The following RNF13 variants were observed in gnomAD, a reference collection of about 807,000 sequenced individuals.
RNF13 encodes E3 ubiquitin-protein ligase RNF13.
In RNF13, 19 loss-of-function variants were observed where a neutral mutation model predicts 37.7. The ratio of observed to expected loss-of-function variants is 0.50; its 90% CI spans 0.35 to 0.74. RNF13 has a LOEUF of 0.74. Ranked by LOEUF, RNF13 falls within the 30% of genes least tolerant of loss-of-function variation. The probability of loss-of-function intolerance (pLI) is 0.01; values close to 1 mark genes in which losing one functional copy is unlikely to be tolerated. For missense variants in RNF13, 375 were observed against 453.0 expected, an observed-to-expected ratio of 0.83 and a Z score of 1.56; for synonymous variants, 144 against 157.8, an observed-to-expected ratio of 0.91 and a Z score of 0.65.
At chr3:149,845,303 C>G (rs554004614) in intron 1 of RNF13, among the ~76,000 whole-genome samples, 5 of 152,212 alleles carry the variant, frequency 3.3e-5, no homozygotes, top group African/African-American at 9.6e-5. Context: ...GTATATAATA[C>G]AATTGATTGA....
intron 7 of RNF13, among the ~76,000 whole-genome samples, chr3:149,915,185 TTTGAAATTCCTTATATTC>T: frequency 6.6e-6 from 1 of 152,312 alleles, no homozygotes. Context: ...CTTTGTAAAT[TTTGAAATTCCTTATATTC>T]TGGGGATAAA....
chr3:149,846,567 A>G (rs1358826128), intron 2 of RNF13, among the ~76,000 whole-genome samples: 1 of 152,150 alleles, frequency 6.6e-6, no homozygotes, highest in Non-Finnish European at 1.5e-5. Context: ...TGGCCTCCCA[A>G]AGTGTTGGGA....
chr3:149,932,214 C>T (rs1719227054), intron 8 of RNF13, among the ~76,000 whole-genome samples: 1 of 152,110 alleles, frequency 6.6e-6, no homozygotes, highest in Admixed American at 6.5e-5. Context: ...AATGGGATTG[C>T]TGGATCATAT....
At chr3:149,955,670 C>G (rs1207642298) in intron 8 of RNF13, among the ~76,000 whole-genome samples, 2 of 152,140 alleles carry the variant, frequency 1.3e-5, no homozygotes, top group African/African-American at 4.8e-5. Flanking sequence ...ACTCATGACT[C>G]TAATGATGCA....
At chr3:149,960,499 G>A (rs1310586490) in intron 9 of RNF13, among the ~76,000 whole-genome samples, 1 of 152,058 alleles carries the variant, frequency 6.6e-6, no homozygotes, top group East Asian at 1.9e-4. Flanking sequence ...GGCTGAGGCA[G>A]GACAATGGCG....
chr3:149,958,798 CCA>C (rs1722108335), intron 8 of RNF13, among the ~76,000 whole-genome samples: 1 of 152,186 alleles, frequency 6.6e-6, no homozygotes, highest in Non-Finnish European at 1.5e-5. Context: ...TCACCAAATT[CCA>C]CACACAAGAT....
intron 8 of RNF13, among the ~76,000 whole-genome samples, chr3:149,940,689 T>C (rs1720159931): frequency 6.6e-6 from 1 of 152,186 alleles, no homozygotes; most frequent in Non-Finnish European, 1.5e-5. Context: ...GCATTTTTTA[T>C]TGTAGAAAAA....
chr3:149,935,337 A>G (rs572203691), intron 8 of RNF13, among the ~76,000 whole-genome samples: 5 of 151,964 alleles, frequency 3.3e-5, no homozygotes, highest in Non-Finnish European at 5.9e-5. Context: ...TAATCACTCT[A>G]TGTCTTTTAA....
At chr3:149,826,575 TTC>T (rs1474774755) in intron 1 of RNF13, among the ~76,000 whole-genome samples, 2 of 152,180 alleles carry the variant, frequency 1.3e-5, no homozygotes, top group Non-Finnish European at 1.5e-5. Context: ...TAGAACAGAT[TTC>T]TCTTAATATT....
intron 1 of RNF13, among the ~76,000 whole-genome samples, chr3:149,840,191 C>T (rs1722027246): frequency 6.6e-6 from 1 of 152,166 alleles, no homozygotes; most frequent in African/African-American, 2.4e-5. Flanking sequence ...AAGCTGATTT[C>T]AGTTAAAATG....
chr3:149,944,984 G>C (rs1318367024), intron 8 of RNF13, among the ~76,000 whole-genome samples: 3 of 152,160 alleles, frequency 2.0e-5, no homozygotes, highest in Non-Finnish European at 4.4e-5. Flanking sequence ...ATTAATTTTT[G>C]TATAAGGTAT....
At chr3:149,959,832 G>T in intron 8 of RNF13, 1 of 376,880 alleles carries the variant, frequency 2.7e-6, no homozygotes, top group East Asian at 4.4e-5. Flanking sequence ...ATTTTGCAAA[G>T]ATAATCAAGG....
intron 8 of RNF13, among the ~76,000 whole-genome samples, chr3:149,956,229 T>C (rs1468454294): frequency 6.6e-6 from 1 of 152,122 alleles, no homozygotes; most frequent in African/African-American, 2.4e-5. Flanking sequence ...AAAAACTACA[T>C]GGGGCAGGAC....
chr3:149,920,567 G>A (rs1036702342), intron 7 of RNF13, among the ~76,000 whole-genome samples: 8 of 151,852 alleles, frequency 5.3e-5, no homozygotes, highest in Non-Finnish European at 1.2e-4. Flanking sequence ...CTTTACAGAG[G>A]GTGTTTTTGG....
intron 8 of RNF13, among the ~76,000 whole-genome samples, chr3:149,947,355 GT>G (rs1449940420): frequency 6.6e-6 from 1 of 150,600 alleles, no homozygotes; most frequent in Non-Finnish European, 1.5e-5. Context: ...TGAAAGTGGG[GT>G]ATTGAAGTCG....
At chr3:149,827,221 T>C (rs1720593060) in intron 1 of RNF13, among the ~76,000 whole-genome samples, 1 of 152,182 alleles carries the variant, frequency 6.6e-6, no homozygotes, top group Non-Finnish European at 1.5e-5. Flanking sequence ...TTACATAGCA[T>C]TTACACTGTA....
At chr3:149,889,327 C>T (rs560119487) in intron 4 of RNF13, among the ~76,000 whole-genome samples, 329 of 25,278 alleles carry the variant, frequency 0.013, 2 homozygotes, top group African/African-American at 0.035. Context: ...GTGTGTGTGT[C>T]GGAGTCTTGC....
intron 1 of RNF13, among the ~76,000 whole-genome samples, chr3:149,819,171 A>G (rs1277484704): frequency 2.6e-5 from 4 of 152,216 alleles, no homozygotes; most frequent in Non-Finnish European, 4.4e-5. Flanking sequence ...CTCTTGCACT[A>G]ATGTTTCACT....
chr3:149,961,183 G>A lies in RNF13; in HGVS notation c.*79G>A. 8.0e-7 allele frequency: 1 copy of A among 1,253,438 alleles called. No individual in the cohort carries two copies. Among genetic ancestry groups the A allele is most frequent in the Non-Finnish European group, 1.1e-6 (1 of 898,786 alleles). The allele number at this position is 1,253,438 out of a possible 1,614,324, so 77.6% of individuals were successfully genotyped here. On this transcript the variant is annotated 3_prime_UTR_variant, in exon 10 of 10. Transcript: ENST00000392894. ...AATTTGATTTTTTGCTCCCTTCAAA[G>A]ATTTCTGTAGAAATAACTTATTTTT...
Sources: gnomAD v4.1 joint callset for allele counts (sites outside exome capture counted in the v4.1 genomes callset) on GRCh38, gnomAD v4.1.1 for gene constraint, MANE v1.5 for transcripts, NCBI Gene and HGNC (gene_info 2026-07-23, HGNC 2026-07-21) for gene names.